Variants in SLC49A4 observed in about 807,000 individuals in gnomAD.
SLC49A4 encodes the protein disrupted in renal cancer protein 2.
SLC49A4 carries 36 observed loss-of-function variants against 50.6 expected under a neutral mutation model. The observed-to-expected ratio is 0.71, with a 90% CI of 0.55 to 0.94. SLC49A4 has a LOEUF of 0.94. Among genes scored for constraint, SLC49A4 ranks in the 40% least tolerant of loss-of-function variants. The pLI, the probability that SLC49A4 is intolerant of heterozygous loss-of-function variation, is 0.00. For synonymous variants in SLC49A4, 248 were observed against 241.2 expected (o/e 1.03, Z -0.26); for missense variants, 503 against 605.7 (o/e 0.83, Z 1.78).
chr3:122,827,255 A>G (rs1338581169), intron 3 of SLC49A4, among the ~76,000 whole-genome samples, 190 bp downstream of exon 3: 1 of 152,158 alleles, frequency 6.6e-6, no homozygotes, highest in Non-Finnish European at 1.5e-5. Context: ...TCTTCCTAGG[A>G]AGTTAAGTTT....
At chr3:122,841,550 G>A (rs1000063737) in intron 4 of SLC49A4, among the ~76,000 whole-genome samples, 5 of 152,184 alleles carry the variant, frequency 3.3e-5, no homozygotes, top group South Asian at 2.1e-4. Flanking sequence ...ACAGAGTTAC[G>A]TTTAATGGAA....
Position 122,795,294 on chromosome 3 carries a change from G to GGCGGCGCTGCCC in SLC49A4, c.109_120dup (p.Leu37_Ala40dup). ...CCTGGAGAAGCCGGGAGGCGGCGGC[G>GGCGGCGCTGCCC]GCGGCGCTGCCCGCGGCGGTCCCGG... On this transcript the variant is annotated inframe_insertion, in exon 1 of 9. Transcript: ENST00000261038. The GGCGGCGCTGCCC allele has an allele frequency of 7.0e-7, 1 of 1,431,828 alleles. No homozygotes were observed. The highest frequency in any genetic ancestry group is 9.0e-7 in the Non-Finnish European group (1 of 1,105,758). 88.7% of individuals were successfully genotyped at this position (1,431,828 alleles called of 1,614,324 possible). A position where few individuals can be genotyped will look rare whatever the true frequency, so the allele number is the denominator to read the frequency against.
rs571786152 is a variant in SLC49A4, at chr3:122,844,798, T to A, written c.834-965T>A. Among the ~76,000 whole-genome samples the A allele has an allele frequency of 3.8e-4, 57 of 151,600 alleles. No homozygotes were observed. In the East Asian group the frequency reaches 0.01, roughly 27 times the overall value. ...ACTCCATCTTCAAAAAAAAAAAAAA[T>A]TTCAAGAAGCTTGAATTTATTAACT... is the stretch of plus-strand genomic sequence containing the variant. On this transcript the variant is annotated intron_variant, in intron 4 of 8. Transcript: ENST00000261038.
In SLC49A4 at chr3:122,845,771, G is replaced by A. The variant is rs147781467; in HGVS notation, c.842G>A (p.Arg281Gln). 272 of 1,579,108 alleles carry A rather than the reference G, an allele frequency of 1.7e-4. No homozygotes were observed. Among genetic ancestry groups the A allele is most frequent in the Admixed American group, 2.7e-4 (15 of 54,782 alleles). The change falls in exon 5 of 9, where the codon CGA becomes CAA. Residue 281 changes from arginine to glutamine, a missense_variant. Arg to Gln is a conservative substitution (Grantham distance 43). Transcript: ENST00000261038. ...RSVCRLLSNFRFLMIALAYAI... is the reference protein window; with the variant it reads ...RSVCRLLSNFQFLMIALAYAI... ...TTATTTCTCATTCACAGCAATTTTC[G>A]ATTTTTGATGATTGCTTTAGCATAT...
chr3:122,805,675 A>G (rs994613603), intron 1 of SLC49A4, among the ~76,000 whole-genome samples: 1 of 152,344 alleles, frequency 6.6e-6, no homozygotes, highest in Admixed American at 6.5e-5. Flanking sequence ...AAACAGTAAG[A>G]TATGTTAATT....
At chr3:122,864,132 T>C (rs183740120) in intron 7 of SLC49A4, among the ~76,000 whole-genome samples, 1 of 152,344 alleles carries the variant, frequency 6.6e-6, no homozygotes, top group African/African-American at 2.4e-5. Context: ...CTCTACAGAA[T>C]AAAAACTGGG....
At chr3:122,820,156 T>C (rs1035317227) in intron 2 of SLC49A4, among the ~76,000 whole-genome samples, 4 of 152,192 alleles carry the variant, frequency 2.6e-5, no homozygotes, top group African/African-American at 9.6e-5. Context: ...TTAAGGAACA[T>C]TGGATTTTCT....
chr3:122,874,832 A>G (rs1389031654), intron 8 of SLC49A4, among the ~76,000 whole-genome samples: 1 of 152,238 alleles, frequency 6.6e-6, no homozygotes, highest in East Asian at 1.9e-4. Flanking sequence ...TACCTGTAAA[A>G]GAGCCAAGTC....
At position 122,833,431 on chromosome 3, in the gene SLC49A4, T is replaced by C. The variant is rs751598876; in HGVS notation, c.818T>C (p.Val273Ala). The C allele has an allele frequency of 4.3e-6, 7 of 1,613,114 alleles. No individual in the cohort carries two copies. The East Asian group carries it at 1.1e-4, about 26-fold the overall frequency. ...ASQRLSYRRSVCRLLSNFRFL... is the reference protein window; with the variant it reads ...ASQRLSYRRSACRLLSNFRFL... ...CAGCGGCTGAGTTATCGGAGAAGCG[T>C]TTGTAGATTATTAAGGTAAATATAC... The change falls in exon 4 of 9, where the codon GTT becomes GCT. Residue 273 changes from valine (V) to alanine (A), a missense_variant. By Grantham distance (64) the Val-to-Ala change is moderately conservative. Transcript: ENST00000261038.
At chr3:122,831,405 T>G (rs151270937) in intron 3 of SLC49A4, among the ~76,000 whole-genome samples, 1 of 152,138 alleles carries the variant, frequency 6.6e-6, no homozygotes, top group Non-Finnish European at 1.5e-5. Flanking sequence ...AAATGTGATA[T>G]ATCTGTGCAA....
Position 122,876,074 on chromosome 3 carries a change from G to C in SLC49A4, c.1322-3189G>C, listed in dbSNP as rs539150328. 4.0e-4 allele frequency among the ~76,000 whole-genome samples: 61 copies of C among 152,252 alleles called. 1 individual carries two copies. The highest frequency in any genetic ancestry group is 1.3e-3 in the African/African-American group (52 of 41,542). On this transcript the variant is annotated intron_variant, in intron 8 of 8. Transcript: ENST00000261038. ...ACTTTCAAAAAAAAAGTTGTTACTT[G>C]CTCCCTAATATAAACATATTTGTAA...
chr3:122,875,921 C>T lies in SLC49A4; in HGVS notation c.1321+3324C>T, dbSNP rs147342377. ...GGCAAATGTGGTTCAGGCTCCTATA[C>T]CAATGCCACTGGCTTATTTGGAGCC... On this transcript the variant is annotated intron_variant, in intron 8 of 8. Transcript: ENST00000261038. Among the ~76,000 whole-genome samples, 355 of 152,278 alleles carry T rather than the reference C, an allele frequency of 2.3e-3. 1 individual carries two copies. Among genetic ancestry groups the T allele is most frequent in the African/African-American group, 7.0e-3 (290 of 41,558 alleles).
chr3:122,816,792 A>G (rs1266812283), intron 2 of SLC49A4, among the ~76,000 whole-genome samples: 2 of 152,166 alleles, frequency 1.3e-5, no homozygotes, highest in Non-Finnish European at 2.9e-5. Context: ...CAGTGGTCAC[A>G]TTGCACCCAC....
At chr3:122,802,119 C>T (rs1173237767) in intron 1 of SLC49A4, among the ~76,000 whole-genome samples, 1 of 152,098 alleles carries the variant, frequency 6.6e-6, no homozygotes, top group Admixed American at 6.5e-5. Flanking sequence ...CAAGACCAGC[C>T]TGGGCAACAT....
chr3:122,855,575 G>C (rs933427148), intron 5 of SLC49A4, among the ~76,000 whole-genome samples: 1 of 152,172 alleles, frequency 6.6e-6, no homozygotes, highest in Admixed American at 6.5e-5. Context: ...GAGTGATGAG[G>C]AATGTAGGCA....
At chr3:122,808,984 G>A (rs1936261516) in intron 2 of SLC49A4, among the ~76,000 whole-genome samples, 1 of 152,144 alleles carries the variant, frequency 6.6e-6, no homozygotes, top group South Asian at 2.1e-4. Flanking sequence ...GACATGAGGG[G>A]AAGTGTGAGA....
intron 6 of SLC49A4, among the ~76,000 whole-genome samples, chr3:122,859,645 A>AGAC (rs1222080752): frequency 6.6e-6 from 1 of 152,158 alleles, no homozygotes; most frequent in Non-Finnish European, 1.5e-5. Context: ...CAGGAGTTCA[A>AGAC]GACCAGTCTG....
At chr3:122,824,192 T>G (rs1207580410) in intron 2 of SLC49A4, among the ~76,000 whole-genome samples, 1 of 152,210 alleles carries the variant, frequency 6.6e-6, no homozygotes, top group Non-Finnish European at 1.5e-5. Flanking sequence ...CAACACCACA[T>G]AAGCTTATTT....
intron 6 of SLC49A4, among the ~76,000 whole-genome samples, chr3:122,857,123 AT>A (rs1424293210): frequency 1.3e-5 from 2 of 152,044 alleles, no homozygotes; most frequent in Non-Finnish European, 2.9e-5. Context: ...GACATTATTT[AT>A]TTATGGTCTT....
Sources: gnomAD v4.1 joint callset for allele counts (sites outside exome capture counted in the v4.1 genomes callset) on GRCh38, gnomAD v4.1.1 for gene constraint, MANE v1.5 for transcripts, NCBI Gene and HGNC (gene_info 2026-07-23, HGNC 2026-07-21) for gene names.